The following DENND5A variants were observed in gnomAD, a reference collection of about 807,000 sequenced individuals.
DENND5A encodes the protein DENN domain-containing protein 5A.
In DENND5A, 64 loss-of-function variants were observed where a neutral mutation model predicts 140.3. The ratio of observed to expected loss-of-function variants is 0.46; its 90% CI spans 0.37 to 0.56. The LOEUF is 0.56. DENND5A is among the 20% of genes least tolerant of loss of function. The pLI is 0.00. For synonymous variants in DENND5A, 605 were observed against 607.7 expected, an observed-to-expected ratio of 1.00 and a Z score of 0.07; for missense variants, 1,292 against 1,593.8, an observed-to-expected ratio of 0.81 and a Z score of 3.22.
chr11:9,220,020 C>T (rs1030487521), intron 1 of DENND5A, among the ~76,000 whole-genome samples: 1 of 152,116 alleles, frequency 6.6e-6, no homozygotes, highest in Non-Finnish European at 1.5e-5. Flanking sequence ...AAGCTTAATA[C>T]CTTACTCCTC....
At chr11:9,144,940 G>A (rs1847374692) in intron 18 of DENND5A, 55 bp downstream of exon 18, 1 of 1,276,754 alleles carries the variant, frequency 7.8e-7, no homozygotes, top group South Asian at 1.2e-5. Context: ...AAGCATCGAA[G>A]AGCTCCTGTA....
At chr11:9,197,421 T>C (rs1054782482) in intron 4 of DENND5A, among the ~76,000 whole-genome samples, 1 of 147,262 alleles carries the variant, frequency 6.8e-6, no homozygotes, top group African/African-American at 2.5e-5. Context: ...AGGGGCTGAG[T>C]GCAGTGGCTC....
chr11:9,176,893 T>A (rs180723099), intron 8 of DENND5A: 15 of 456,124 alleles, frequency 3.3e-5, no homozygotes, highest in Non-Finnish European at 6.6e-5. Context: ...TCATATAATA[T>A]GATTTTGGCC....
At chr11:9,242,580 A>G (rs928074633) in intron 1 of DENND5A, 1 of 152,216 alleles carries the variant, frequency 6.6e-6, no homozygotes, top group African/African-American at 2.4e-5. Context: ...AGTCTCGGGC[A>G]TGTTATTCAA....
intron 4 of DENND5A, among the ~76,000 whole-genome samples, chr11:9,200,481 A>G (rs559611813): frequency 6.6e-6 from 1 of 152,362 alleles, no homozygotes; most frequent in African/African-American, 2.4e-5. Context: ...TTTGGCCTGC[A>G]GTGTTTAAAA....
intron 4 of DENND5A, among the ~76,000 whole-genome samples, chr11:9,200,344 A>C (rs1317011782): frequency 6.6e-6 from 1 of 152,216 alleles, no homozygotes. Context: ...AGAAATAGCT[A>C]GGAAAGCAAT....
At chr11:9,152,096 A>ATTCATTC (rs1483065790) in intron 13 of DENND5A, among the ~76,000 whole-genome samples, 1 of 152,192 alleles carries the variant, frequency 6.6e-6, no homozygotes, top group African/African-American at 2.4e-5. Flanking sequence ...TAAAACCCAT[A>ATTCATTC]TTCATTCTGA....
At chr11:9,264,904 T>C (rs1455035140) in intron 1 of DENND5A, 57 bp downstream of exon 1, 53 of 1,420,234 alleles carry the variant, frequency 3.7e-5, no homozygotes, top group Non-Finnish European at 5.1e-5. Flanking sequence ...AGGTTTCTTC[T>C]GGGGTCCCCG....
At chr11:9,182,311 C>T (rs981313853) in intron 5 of DENND5A, among the ~76,000 whole-genome samples, 1 of 152,090 alleles carries the variant, frequency 6.6e-6, no homozygotes, top group African/African-American at 2.4e-5. Context: ...GTGAGACTCC[C>T]TCTCAAAAAA....
At chr11:9,255,692 T>TA (rs1424843180) in intron 1 of DENND5A, among the ~76,000 whole-genome samples, 1 of 151,996 alleles carries the variant, frequency 6.6e-6, no homozygotes, top group Non-Finnish European at 1.5e-5. Context: ...GGTGAAACTC[T>TA]GTCTCTAGTA....
chr11:9,243,296 T>G (rs1367913023), intron 1 of DENND5A, among the ~76,000 whole-genome samples: 1 of 152,058 alleles, frequency 6.6e-6, no homozygotes, highest in Non-Finnish European at 1.5e-5. Context: ...AAATTCAAAA[T>G]GTACTACTTT....
chr11:9,221,387 C>T (rs939538983), intron 1 of DENND5A, among the ~76,000 whole-genome samples: 1 of 152,076 alleles, frequency 6.6e-6, no homozygotes, highest in Non-Finnish European at 1.5e-5. Flanking sequence ...GCCGAGATAG[C>T]GCCACCTCAC....
intron 1 of DENND5A, among the ~76,000 whole-genome samples, chr11:9,227,453 T>C (rs1457684993): frequency 6.6e-6 from 1 of 152,150 alleles, no homozygotes; most frequent in East Asian, 1.9e-4. Context: ...TTTTAGTAAA[T>C]GTGTACCTCC....
At position 9,222,399 on chromosome 11, in the gene DENND5A, T is replaced by C. The variant is rs914598955; in HGVS notation, c.110-14767A>G. Among the ~76,000 whole-genome samples, 4 of 152,348 alleles carry C rather than the reference T, an allele frequency of 2.6e-5. No individual in the cohort carries two copies. In the South Asian group the frequency reaches 8.3e-4, roughly 32 times the overall value. ...AATCTAGTCAGTGTTCAAATTTCTT[T>C]AGTTTATTCATAAATGTTTGAAACC... On this transcript the variant is annotated intron_variant, in intron 1 of 22. Transcript: ENST00000328194.
chr11:9,196,985 A>G (rs1849351658), intron 4 of DENND5A, among the ~76,000 whole-genome samples: 1 of 151,980 alleles, frequency 6.6e-6, no homozygotes, highest in African/African-American at 2.4e-5. Context: ...AAATTAATAC[A>G]CATATATTCA....
intron 11 of DENND5A, among the ~76,000 whole-genome samples, chr11:9,164,194 A>ATTTTTTTTT (rs779522112): frequency 1.4e-4 from 11 of 79,066 alleles, no homozygotes; most frequent in African/African-American, 3.9e-4. Context: ...ACCACGCCTA[A>ATTTTTTTTT]TTTTTTTTTT....
Position 9,150,095 on chromosome 11 carries a change from G to A in DENND5A, c.2721C>T (p.Asp907=). ...AGCAGCCTTACTTGGTGAGCTCATG[G>A]TCTGAGAGGAGCTGCTTCAGGTGTC... is the stretch of plus-strand genomic sequence containing the variant. The part of the protein sequence containing the change: ...LSRHLKQLLS[D]HELTKKLYKR... Residue 907 remains aspartate (D), a synonymous_variant, in exon 15 of 23, where the codon GAC becomes GAT. Transcript: ENST00000328194. 6.2e-7 allele frequency: 1 copy of A among 1,613,310 alleles called. No homozygotes were observed. Among genetic ancestry groups the A allele is most frequent in the South Asian group, 1.1e-5 (1 of 91,026 alleles).
At chr11:9,228,718 CA>C (rs56879368) in intron 1 of DENND5A, among the ~76,000 whole-genome samples, 59,256 of 133,628 alleles carry the variant, frequency 0.44, 12,276 homozygotes, top group South Asian at 0.62. Flanking sequence ...GACACCGTCT[CA>C]AAAAAAAAAA....
At chr11:9,247,646 C>T (rs941325707) in intron 1 of DENND5A, among the ~76,000 whole-genome samples, 2 of 151,846 alleles carry the variant, frequency 1.3e-5, no homozygotes, top group Non-Finnish European at 2.9e-5. Flanking sequence ...ACAGTCTCAA[C>T]ACGTTCTTGT....
Sources: gnomAD v4.1 joint callset for allele counts (sites outside exome capture counted in the v4.1 genomes callset) on GRCh38, gnomAD v4.1.1 for gene constraint, MANE v1.5 for transcripts, NCBI Gene and HGNC (gene_info 2026-07-23, HGNC 2026-07-21) for gene names.